EYA3: variants seen among roughly 807,000 people sequenced by gnomAD.
EYA3 encodes EYA transcriptional coactivator and phosphatase 3, also known as protein phosphatase EYA3.
Under a neutral mutation model 80.0 loss-of-function variants are expected in EYA3, and 39 were observed. The ratio of observed to expected loss-of-function variants is 0.49; its 90% confidence interval spans 0.38 to 0.64. EYA3 has a LOEUF of 0.64. Among genes scored for constraint, EYA3 ranks in the 30% least tolerant of loss-of-function variants. The pLI is 0.00. For synonymous variants in EYA3, 206 were observed against 232.8 expected, an observed-to-expected ratio of 0.88 and a Z score of 1.05; for missense variants, 523 against 676.1, an observed-to-expected ratio of 0.77 and a Z score of 2.51.
At chr1:28,027,737 C>G in intron 7 of EYA3, 52 bp downstream of exon 7, 1 of 1,607,342 alleles carries the variant, frequency 6.2e-7, no homozygotes, top group East Asian at 2.2e-5. Flanking sequence ...AGATTAAAAA[C>G]AAGAAACAAT....
At chr1:27,995,063 T>C (rs1409196240) in intron 13 of EYA3, among the ~76,000 whole-genome samples, 7 of 151,622 alleles carry the variant, frequency 4.6e-5, no homozygotes, top group Non-Finnish European at 8.8e-5. Context: ...CAAAATAAAA[T>C]TTGTAACAGT....
At chr1:28,020,180 T>C (rs1642336782) in intron 7 of EYA3, among the ~76,000 whole-genome samples, 1 of 152,192 alleles carries the variant, frequency 6.6e-6, no homozygotes, top group East Asian at 1.9e-4. Context: ...TAAACTCTTA[T>C]TATATCCCGG....
Position 27,988,619 on chromosome 1 carries a change from G to A in EYA3, c.1456C>T (p.Leu486=), listed in dbSNP as rs755419362. ...CVNVLITTTQ[L]VPALAKVLLY... Reference sequence around the variant, plus strand: ...AGAACCTTGGCCAGGGCTGGAACCAGCTGGGTGGTAGTGATCAGAACATTC... The same window carrying A: ...AGAACCTTGGCCAGGGCTGGAACCAACTGGGTGGTAGTGATCAGAACATTC... The change falls in exon 16 of 18, where the codon CTG becomes TTG. Residue 486 remains leucine (L), a synonymous_variant. Transcript: ENST00000373871. The A allele has an allele frequency of 1.2e-6, 2 of 1,614,136 alleles. No homozygotes were observed. The highest frequency in any genetic ancestry group is 2.2e-5 in the South Asian group (2 of 91,084).
intron 1 of EYA3, among the ~76,000 whole-genome samples, chr1:28,085,423 TG>T (rs1402391258): frequency 6.6e-6 from 1 of 152,170 alleles, no homozygotes; most frequent in Non-Finnish European, 1.5e-5. Flanking sequence ...CACTACAGCC[TG>T]GCCAACAGAG....
At chr1:28,027,295 C>T (rs1251857811) in intron 7 of EYA3, among the ~76,000 whole-genome samples, 4 of 152,096 alleles carry the variant, frequency 2.6e-5, no homozygotes, top group Admixed American at 2.0e-4. Context: ...TAATACTATG[C>T]TTTTTATCCT....
intron 2 of EYA3, among the ~76,000 whole-genome samples, chr1:28,050,477 C>G (rs1644205361): frequency 6.6e-6 from 1 of 152,056 alleles, no homozygotes; most frequent in Non-Finnish European, 1.5e-5. Flanking sequence ...GCTGGGATTA[C>G]AGGCGTGAGC....
At chr1:28,005,874 G>A (rs947169745) in intron 10 of EYA3, among the ~76,000 whole-genome samples, 2 of 152,088 alleles carry the variant, frequency 1.3e-5, no homozygotes, top group Non-Finnish European at 2.9e-5. Flanking sequence ...TGAGGCCAAG[G>A]CAGGAGGATC....
intron 6 of EYA3, among the ~76,000 whole-genome samples, chr1:28,035,025 C>T (rs1013811939): frequency 6.6e-6 from 1 of 151,956 alleles, no homozygotes; most frequent in African/African-American, 2.4e-5. Context: ...ACTCCCTAGG[C>T]ACATAAGGTT....
In EYA3 at chr1:28,000,037, C is replaced by G. The variant is rs1414378637; in HGVS notation, c.1006G>C (p.Val336Leu). ...TCCATTGTTAAACCTGAGCCAATCA[C>G]TACTGTTGGGTCCTAGAAGACAATA... ...AQKYGKDPTVVIGSGLTMEEM... is the reference protein window; with the variant it reads ...AQKYGKDPTVLIGSGLTMEEM... Residue 336 changes from valine (V) to leucine (L), a missense_variant, in exon 12 of 18, where the codon GTG becomes CTG. Transcript: ENST00000373871. The G allele has an allele frequency of 6.2e-7, 1 of 1,608,176 alleles. No homozygotes were observed. Among genetic ancestry groups the G allele is most frequent in the Admixed American group, 1.7e-5 (1 of 59,172 alleles).
intron 8 of EYA3, among the ~76,000 whole-genome samples, chr1:28,014,100 T>C (rs1158321999): frequency 6.6e-6 from 1 of 152,090 alleles, no homozygotes; most frequent in Non-Finnish European, 1.5e-5. Flanking sequence ...ATTATCTACC[T>C]AAAACAATCA....
intron 16 of EYA3, among the ~76,000 whole-genome samples, chr1:27,983,933 G>T (rs765372961): frequency 3.3e-4 from 50 of 152,168 alleles, no homozygotes; most frequent in South Asian, 4.1e-4. Flanking sequence ...GGGATTACAG[G>T]CATGAGCCAT....
chr1:28,041,144 A>G (rs553793379), intron 4 of EYA3, among the ~76,000 whole-genome samples: 1 of 152,156 alleles, frequency 6.6e-6, no homozygotes, highest in African/African-American at 2.4e-5. Context: ...CCGGCAGATC[A>G]CTTGAGGTCA....
At chr1:28,082,908 T>G (rs1273941001) in intron 1 of EYA3, among the ~76,000 whole-genome samples, 1 of 152,144 alleles carries the variant, frequency 6.6e-6, no homozygotes, top group Non-Finnish European at 1.5e-5. Context: ...AATATATGGT[T>G]TTGCCATCTG....
rs994053219 is a variant in EYA3, at chr1:27,971,085, C to G, written c.*3381G>C. ...TACAGAAGACAGGAACGCCGCAAATCAAACAAAAGCCCAGATGGGCATCTA... is the reference window on the plus strand; with the variant it reads ...TACAGAAGACAGGAACGCCGCAAATGAAACAAAAGCCCAGATGGGCATCTA... On this transcript the variant is annotated 3_prime_UTR_variant, in exon 18 of 18. Transcript: ENST00000373871. The G allele has an allele frequency of 6.6e-6, 1 of 152,246 alleles. No individual in the cohort carries two copies. Among genetic ancestry groups the G allele is most frequent in the Non-Finnish European group, 1.5e-5 (1 of 68,048 alleles). 9.4% of individuals were successfully genotyped at this position (152,246 alleles called of 1,614,324 possible).
intron 5 of EYA3, among the ~76,000 whole-genome samples, chr1:28,038,231 G>A (rs116482387): frequency 0.011 from 1,658 of 152,092 alleles, 18 homozygotes; most frequent in South Asian, 0.017. Flanking sequence ...GAGGTCAGCC[G>A]TTTGAAAACA....
intron 1 of EYA3, among the ~76,000 whole-genome samples, chr1:28,068,436 T>C (rs917261947): frequency 1.3e-5 from 2 of 152,176 alleles, no homozygotes; most frequent in South Asian, 2.1e-4. Context: ...TTTGATCTTA[T>C]GATATAACAT....
chr1:28,061,184 G>A (rs1233307706), intron 1 of EYA3, among the ~76,000 whole-genome samples: 1 of 152,192 alleles, frequency 6.6e-6, no homozygotes, highest in Non-Finnish European at 1.5e-5. Flanking sequence ...TGGGAAGTTT[G>A]CAAACATACA....
chr1:28,002,357 A>C (rs11247736), intron 11 of EYA3, among the ~76,000 whole-genome samples: 34,608 of 151,536 alleles, frequency 0.23, 4,156 homozygotes, highest in Non-Finnish European at 0.27. Flanking sequence ...CCAATATATA[A>C]AATTTTTATA....
chr1:28,006,330 C>T (rs1005924949), intron 10 of EYA3, among the ~76,000 whole-genome samples: 6 of 152,110 alleles, frequency 3.9e-5, no homozygotes, highest in Non-Finnish European at 7.4e-5. Context: ...CATTCAACAC[C>T]CTTTCTATTC....
Sources: allele counts gnomAD v4.1 joint callset (sites outside exome capture counted in the v4.1 genomes callset), GRCh38; gene constraint gnomAD v4.1.1; transcripts MANE v1.5; gene names NCBI Gene and HGNC (gene_info 2026-07-23, HGNC 2026-07-21).